The following CMKLR1 variants were observed in gnomAD, a reference collection of about 807,000 sequenced individuals.
CMKLR1 encodes chemerin-like receptor 1.
Under a neutral mutation model 8.2 loss-of-function variants are expected in CMKLR1, and 6 were observed. The observed-to-expected ratio is 0.73, with a 90% CI of 0.40 to 1.44. CMKLR1 has a LOEUF of 1.44. Among genes scored for constraint, CMKLR1 ranks in the 40% most tolerant of loss-of-function variants. The probability of loss-of-function intolerance (pLI) is 0.02; values close to 1 mark genes in which losing one functional copy is unlikely to be tolerated. For missense variants in CMKLR1, 429 were observed against 478.0 expected (o/e 0.90, Z 0.96); for synonymous variants, 178 against 181.2 (o/e 0.98, Z 0.14).
intron 2 of CMKLR1, among the ~76,000 whole-genome samples, chr12:108,317,203 C>T (rs1454222602): frequency 6.6e-6 from 1 of 152,198 alleles, no homozygotes. Context: ...CTGGCAGACA[C>T]AAGATGAGCT....
intron 2 of CMKLR1, among the ~76,000 whole-genome samples, chr12:108,300,955 G>A (rs1674963703): frequency 6.6e-6 from 1 of 152,136 alleles, no homozygotes. Flanking sequence ...GGACACAGAG[G>A]CTCAGGGGGT....
chr12:108,315,998 G>A (rs1036245650), intron 2 of CMKLR1, among the ~76,000 whole-genome samples: 1 of 152,136 alleles, frequency 6.6e-6, no homozygotes, highest in Non-Finnish European at 1.5e-5. Flanking sequence ...TGGACCCTGC[G>A]CCTCAGCCCA....
intron 2 of CMKLR1, among the ~76,000 whole-genome samples, chr12:108,314,584 G>A (rs1248796713): frequency 1.3e-5 from 2 of 152,198 alleles, no homozygotes; most frequent in African/African-American, 4.8e-5. Context: ...ACACATCCAG[G>A]TGTATGCACT....
At chr12:108,338,636 T>A (rs1420320462) in intron 1 of CMKLR1, among the ~76,000 whole-genome samples, 1 of 152,152 alleles carries the variant, frequency 6.6e-6, no homozygotes, top group Non-Finnish European at 1.5e-5. Context: ...AAAGATGTCA[T>A]ACTAAATATT....
chr12:108,316,236 C>T (rs1891724430), intron 2 of CMKLR1, among the ~76,000 whole-genome samples: 1 of 152,200 alleles, frequency 6.6e-6, no homozygotes, highest in African/African-American at 2.4e-5. Flanking sequence ...CCCTGCCCCT[C>T]AGCTCTAGGG....
rs1168762693 is a variant in CMKLR1, at chr12:108,319,306, C to A, written c.-74+10689G>T. On this transcript the variant is annotated intron_variant, in intron 2 of 3. Coordinates refer to ENST00000550402, the MANE Select transcript of CMKLR1 (RefSeq NM_001142343.2). ...CCAGCCTCCCAACAACATTGAGGACCACCCCTACCTCACAGGTGAGTAAAC... is the reference window on the plus strand; with the variant it reads ...CCAGCCTCCCAACAACATTGAGGACAACCCCTACCTCACAGGTGAGTAAAC... Among the ~76,000 whole-genome samples, 3 of 152,296 alleles carry A rather than the reference C, an allele frequency of 2.0e-5. No individual in the cohort carries two copies. In the East Asian group the frequency reaches 5.8e-4, roughly 29 times the overall value.
At chr12:108,335,808 A>G (rs1892206782) in intron 1 of CMKLR1, among the ~76,000 whole-genome samples, 1 of 152,234 alleles carries the variant, frequency 6.6e-6, no homozygotes, top group Admixed American at 6.5e-5. Flanking sequence ...CTCTGTTTCA[A>G]CAAGAATAAC....
chr12:108,300,358 T>G (rs1376493186), intron 2 of CMKLR1, among the ~76,000 whole-genome samples: 1 of 152,164 alleles, frequency 6.6e-6, no homozygotes, highest in Non-Finnish European at 1.5e-5. Flanking sequence ...AATTACAGAC[T>G]CACAAGCAAT....
chr12:108,323,215 C>T (rs904647480), intron 2 of CMKLR1, among the ~76,000 whole-genome samples: 5 of 152,222 alleles, frequency 3.3e-5, no homozygotes, highest in Non-Finnish European at 7.3e-5. Flanking sequence ...CCATCACCAC[C>T]ACTTCAGAAA....
At chr12:108,316,617 C>T (rs915797208) in intron 2 of CMKLR1, among the ~76,000 whole-genome samples, 1 of 152,172 alleles carries the variant, frequency 6.6e-6, no homozygotes, top group African/African-American at 2.4e-5. Context: ...TAACAAGACC[C>T]CATGGAGCCA....
At chr12:108,300,950 C>T (rs1358500975) in intron 2 of CMKLR1, among the ~76,000 whole-genome samples, 2 of 152,016 alleles carry the variant, frequency 1.3e-5, no homozygotes, top group African/African-American at 2.4e-5. Flanking sequence ...GGGAGGGACA[C>T]AGAGGCTCAG....
intron 1 of CMKLR1, among the ~76,000 whole-genome samples, chr12:108,334,401 C>A (rs1892174678): frequency 6.6e-6 from 1 of 152,212 alleles, no homozygotes; most frequent in Non-Finnish European, 1.5e-5. Flanking sequence ...CAGTTGAAGC[C>A]TCAGTGTCTT....
At chr12:108,311,206 A>G (rs1252346372) in intron 2 of CMKLR1, among the ~76,000 whole-genome samples, 1 of 152,222 alleles carries the variant, frequency 6.6e-6, no homozygotes, top group African/African-American at 2.4e-5. Flanking sequence ...ACAGTTATAC[A>G]GCAAAATGGC....
At chr12:108,318,822 G>A (rs1348035973) in intron 2 of CMKLR1, among the ~76,000 whole-genome samples, 1 of 152,206 alleles carries the variant, frequency 6.6e-6, no homozygotes, top group Non-Finnish European at 1.5e-5. Context: ...GAACTGCCAA[G>A]TTGAAGCTGC....
intron 2 of CMKLR1, among the ~76,000 whole-genome samples, chr12:108,315,350 C>T (rs930074135): frequency 6.6e-6 from 1 of 152,160 alleles, no homozygotes; most frequent in Non-Finnish European, 1.5e-5. Flanking sequence ...GGTAGAGTGA[C>T]CCTCCATCCT....
At position 108,293,672 on chromosome 12, in the gene CMKLR1, GAAAAAAA is replaced by G; in HGVS notation, c.-73-15_-73-9del. On this transcript the variant is annotated splice_polypyrimidine_tract_variant and intron_variant, in intron 2 of 3. Coordinates refer to ENST00000550402, the MANE Select transcript of CMKLR1 (RefSeq NM_001142343.2). ...GTACACAGCTAGAAACACCTGTAGG[GAAAAAAA>G]AAAAAAAAAAAGCAGCAATTGGATC... 2.0e-5 allele frequency: 18 copies of G among 901,882 alleles called. No homozygotes were observed. The highest frequency in any genetic ancestry group is 2.4e-4 in the Middle Eastern group (1 of 4,202). The allele number at this position is 901,882 out of a possible 1,614,324, so 55.9% of individuals were successfully genotyped here.
intron 2 of CMKLR1, among the ~76,000 whole-genome samples, chr12:108,312,215 G>A (rs570291489): frequency 3.3e-5 from 5 of 152,296 alleles, no homozygotes; most frequent in African/African-American, 9.6e-5. Context: ...GATCAGGATC[G>A]CCAGCCAGTG....
At chr12:108,321,221 T>C (rs1211290112) in intron 2 of CMKLR1, among the ~76,000 whole-genome samples, 1 of 152,194 alleles carries the variant, frequency 6.6e-6, no homozygotes, top group Non-Finnish European at 1.5e-5. Context: ...GTGAGGCACT[T>C]GCCTTGAGTG....
At position 108,291,836 on chromosome 12, in the gene CMKLR1, G is replaced by A. The variant is rs1245664059; in HGVS notation, c.*5C>T. 6.2e-7 allele frequency: 1 copy of A among 1,607,308 alleles called. No homozygotes were observed. The highest frequency in any genetic ancestry group is 1.3e-5 in the African/African-American group (1 of 74,816). On this transcript the variant is annotated 3_prime_UTR_variant, in exon 4 of 4. Coordinates refer to ENST00000550402, the MANE Select transcript of CMKLR1 (RefSeq NM_001142343.2). ...AGAGTCCATTGAGGGGTTCCACAGT[G>A]AGGATCAAAGCATGCCGGTCTCCCT...
Sources: allele counts gnomAD v4.1 joint callset (sites outside exome capture counted in the v4.1 genomes callset), GRCh38; gene constraint gnomAD v4.1.1; transcripts MANE v1.5; gene names NCBI Gene and HGNC (gene_info 2026-07-23, HGNC 2026-07-21).